Variants in CDK5RAP2 observed in about 807,000 individuals in gnomAD.
CDK5RAP2 encodes CDK5 regulatory subunit associated protein 2.
A neutral mutation model predicts 232.9 loss-of-function variants in CDK5RAP2; 147 were observed. That is an observed-to-expected ratio of 0.63 (90% CI 0.55 to 0.72). The LOEUF is 0.72. CDK5RAP2 is among the 30% of genes least tolerant of loss of function. The pLI, the probability that CDK5RAP2 is intolerant of heterozygous loss-of-function variation, is 0.00. For missense variants in CDK5RAP2, 2,195 were observed against 2,231.5 expected, an observed-to-expected ratio of 0.98 and a Z score of 0.33; for synonymous variants, 833 against 833.7, an observed-to-expected ratio of 1.00 and a Z score of 0.01.
intron 1 of CDK5RAP2, among the ~76,000 whole-genome samples, chr9:120,574,602 A>C (rs1386988766): frequency 6.6e-6 from 1 of 152,188 alleles, no homozygotes; most frequent in Non-Finnish European, 1.5e-5. Flanking sequence ...GTGGAGTACC[A>C]GTTTCCTCAC....
intron 19 of CDK5RAP2, among the ~76,000 whole-genome samples, chr9:120,460,072 T>C (rs991284355): frequency 6.6e-6 from 1 of 152,106 alleles, no homozygotes; most frequent in Non-Finnish European, 1.5e-5. Context: ...GTAACGTGGG[T>C]TCCAGATGAG....
intron 3 of CDK5RAP2, among the ~76,000 whole-genome samples, chr9:120,557,851 G>A (rs2042293523): frequency 6.8e-6 from 1 of 146,588 alleles, no homozygotes; most frequent in Admixed American, 6.8e-5. Context: ...TGCAACCTCC[G>A]CCTTCCGGGT....
intron 22 of CDK5RAP2, 35 bp from the exon 23 acceptor site, chr9:120,443,777 A>G (rs749590515): frequency 1.5e-5 from 25 of 1,613,132 alleles, no homozygotes; most frequent in African/African-American, 1.1e-4. Flanking sequence ...AAAAATAAAT[A>G]AAACCGTAAG....
At chr9:120,428,956 C>A (rs1011248789) in intron 25 of CDK5RAP2, among the ~76,000 whole-genome samples, 183 of 152,080 alleles carry the variant, frequency 1.2e-3, no homozygotes, top group African/African-American at 4.3e-3. Context: ...GTTCAATATA[C>A]GCAAATCAAT....
chr9:120,509,085 T>G (rs755013208), intron 12 of CDK5RAP2, among the ~76,000 whole-genome samples: 5 of 152,206 alleles, frequency 3.3e-5, no homozygotes, highest in Non-Finnish European at 5.9e-5. Context: ...GCCCCAGGTA[T>G]GAGCCACTGA....
Position 120,471,825 on chromosome 9 carries a change from A to G in CDK5RAP2, c.1781T>C (p.Leu594Pro). 1 of 1,613,824 alleles carries G rather than the reference A, an allele frequency of 6.2e-7. No homozygotes were observed. The highest frequency in any genetic ancestry group is 8.5e-7 in the Non-Finnish European group (1 of 1,179,680). Residue 594 changes from leucine to proline, a missense_variant, in exon 16 of 38, where the codon CTG becomes CCG. Transcript: ENST00000349780. ...CTGATATGAAAGCACATCCTGCTCC[A>G]GTTGCTTCCGCAGGGCAAAAATCTT... ...LNKIFALRKQ[L>P]EQDVLSYQNL... is the part of the protein sequence containing the mutation.
rs756828836 is a variant in CDK5RAP2 at position 120,411,344 on chromosome 9, C to G, written c.4414+14G>C. The G allele has an allele frequency of 6.8e-7, 1 of 1,471,360 alleles. No homozygotes were observed. The highest frequency in any genetic ancestry group is 2.3e-5 in the East Asian group (1 of 44,254). 91.1% of individuals were successfully genotyped at this position (1,471,360 alleles called of 1,614,324 possible). ...TTGGCGTTCCAGACTTCCAGTGACT[C>G]CTTTAACTCTTACCTCTGGATCCTT... On this transcript the variant is annotated intron_variant, in intron 29 of 37. Coordinates refer to ENST00000349780, the MANE Select transcript of CDK5RAP2 (RefSeq NM_018249.6).
chr9:120,477,554 C>T, intron 14 of CDK5RAP2, 104 bp from the exon 15 acceptor site: 3 of 927,132 alleles, frequency 3.2e-6, no homozygotes, highest in Non-Finnish European at 1.7e-6. Flanking sequence ...TAAAATCAAA[C>T]GAAGGTGAGA....
chr9:120,393,033 G>A (rs149122580), intron 36 of CDK5RAP2, among the ~76,000 whole-genome samples: 37 of 152,258 alleles, frequency 2.4e-4, no homozygotes, highest in South Asian at 1.2e-3. Context: ...AAAACCCTTT[G>A]CACGTCCTAA....
At chr9:120,419,612 A>T (rs2034444905) in intron 27 of CDK5RAP2, among the ~76,000 whole-genome samples, 176 bp downstream of exon 27, 1 of 152,180 alleles carries the variant, frequency 6.6e-6, no homozygotes, top group Non-Finnish European at 1.5e-5. Flanking sequence ...ACTTTCAACA[A>T]CCATAGCTTT....
chr9:120,413,830 A>AG (rs1554731831), intron 28 of CDK5RAP2, among the ~76,000 whole-genome samples: 100 of 93,266 alleles, frequency 1.1e-3, no homozygotes, highest in South Asian at 1.8e-3. Flanking sequence ...GGGAGGAGGG[A>AG]GGAGGGAGGA....
chr9:120,535,746 A>G (rs982193661), intron 7 of CDK5RAP2, among the ~76,000 whole-genome samples: 1 of 152,244 alleles, frequency 6.6e-6, no homozygotes, highest in African/African-American at 2.4e-5. Flanking sequence ...CCTAAAGGAC[A>G]TATCAACTAC....
chr9:120,574,258 T>G (rs879519932), intron 1 of CDK5RAP2, among the ~76,000 whole-genome samples: 1 of 152,218 alleles, frequency 6.6e-6, no homozygotes, highest in Non-Finnish European at 1.5e-5. Context: ...GCTATGAATC[T>G]GTCATCTGCA....
chr9:120,411,354 T>G lies in CDK5RAP2; in HGVS notation c.4414+4A>C. 3 of 1,546,864 alleles carry G rather than the reference T, an allele frequency of 1.9e-6. No homozygotes were observed. Among genetic ancestry groups the G allele is most frequent in the Non-Finnish European group, 2.7e-6 (3 of 1,118,618 alleles). On this transcript the variant is annotated splice_donor_region_variant and intron_variant, in intron 29 of 37. Coordinates refer to ENST00000349780, the MANE Select transcript of CDK5RAP2 (RefSeq NM_018249.6). ...AGACTTCCAGTGACTCCTTTAACTC[T>G]TACCTCTGGATCCTTTAATGAGCAT...
chr9:120,461,870 GC>G (rs2037110081), intron 18 of CDK5RAP2, among the ~76,000 whole-genome samples: 1 of 152,192 alleles, frequency 6.6e-6, no homozygotes, highest in East Asian at 1.9e-4. Context: ...AAAAGAGTCT[GC>G]ACCGAAGGTG....
At chr9:120,516,516 TAATAAAA>T (rs747330227) in intron 12 of CDK5RAP2, among the ~76,000 whole-genome samples, 220 of 151,908 alleles carry the variant, frequency 1.4e-3, no homozygotes, top group African/African-American at 4.5e-3. Flanking sequence ...TAAAGTATAA[TAATAAAA>T]AATAAAAAAT....
intron 14 of CDK5RAP2, among the ~76,000 whole-genome samples, chr9:120,486,480 G>C (rs1004741165): frequency 6.6e-6 from 1 of 150,678 alleles, no homozygotes; most frequent in African/African-American, 2.4e-5. Flanking sequence ...CTGCCTGGTT[G>C]CATTATTCAT....
intron 7 of CDK5RAP2, among the ~76,000 whole-genome samples, chr9:120,530,813 C>A (rs1359418527): frequency 1.5e-5 from 2 of 136,342 alleles, no homozygotes; most frequent in Admixed American, 8.4e-5. Flanking sequence ...ACAATGAGAA[C>A]ACTTGGACAC....
chr9:120,533,391 G>A (rs1313708062), intron 7 of CDK5RAP2, among the ~76,000 whole-genome samples: 1 of 152,058 alleles, frequency 6.6e-6, no homozygotes, highest in East Asian at 1.9e-4. Flanking sequence ...AACCCAACAT[G>A]TGCCAACTGA....
Sources: gnomAD v4.1 joint callset for allele counts (sites outside exome capture counted in the v4.1 genomes callset) on GRCh38, gnomAD v4.1.1 for gene constraint, MANE v1.5 for transcripts, NCBI Gene and HGNC (gene_info 2026-07-23, HGNC 2026-07-21) for gene names.